CNIH1: variants seen among roughly 807,000 people sequenced by gnomAD.
CNIH1 encodes the protein cornichon family member 1.
CNIH1 carries 12 observed loss-of-function variants against 20.2 expected under a neutral mutation model. That is an observed-to-expected ratio of 0.59 (90% CI 0.38 to 0.96). The LOEUF (loss-of-function observed/expected upper bound fraction) is 0.96, where lower values mean the gene tolerates loss of function less well. Among genes scored for constraint, CNIH1 ranks in the 40% least tolerant of loss-of-function variants. CNIH1 has a pLI of 0.00. For synonymous variants in CNIH1, 69 were observed against 63.3 expected, an observed-to-expected ratio of 1.09 and a Z score of -0.43; for missense variants, 152 against 178.8, an observed-to-expected ratio of 0.85 and a Z score of 0.85.
intron 1 of CNIH1, among the ~76,000 whole-genome samples, chr14:54,441,009 G>A (rs562234255): frequency 5.3e-5 from 8 of 152,064 alleles, no homozygotes; most frequent in African/African-American, 1.7e-4. Flanking sequence ...AGTAGGGGAG[G>A]AGTAGCGGTG....
At chr14:54,438,093 C>T (rs984830446) in intron 1 of CNIH1, among the ~76,000 whole-genome samples, 1 of 152,076 alleles carries the variant, frequency 6.6e-6, no homozygotes, top group Non-Finnish European at 1.5e-5. Context: ...GATTCTCCTG[C>T]CTCAGCCTCC....
At position 54,426,545 on chromosome 14, in the gene CNIH1, T is replaced by G. The variant is rs573345749; in HGVS notation, c.*1269A>C. The G allele has an allele frequency of 6.6e-6, 1 of 152,322 alleles. No homozygotes were observed. Among genetic ancestry groups the G allele is most frequent in the South Asian group, 2.1e-4 (1 of 4,828 alleles). The allele number at this position is 152,322 out of a possible 1,614,324, so 9.4% of individuals were successfully genotyped here. ...CCAAATAAAGCACAAGATTTATTTA[T>G]GCTTATGAAAACATGCAAGCCATAA... is the stretch of plus-strand genomic sequence containing the variant. On this transcript the variant is annotated 3_prime_UTR_variant, in exon 5 of 5. Transcript: ENST00000216416.
intron 4 of CNIH1, among the ~76,000 whole-genome samples, chr14:54,428,448 G>A (rs1487696829): frequency 6.6e-6 from 1 of 152,190 alleles, no homozygotes; most frequent in African/African-American, 2.4e-5. Flanking sequence ...GAGTGCTATG[G>A]GAACGGCATA....
At position 54,427,575 on chromosome 14, in the gene CNIH1, T is replaced by A; in HGVS notation, c.*239A>T. On this transcript the variant is annotated 3_prime_UTR_variant, in exon 5 of 5. Transcript: ENST00000216416. ...AGTTCAAACCTGTCAACACCAGAGGTAATCATTTTATATTAATTTATACGT... is the reference window on the plus strand; with the variant it reads ...AGTTCAAACCTGTCAACACCAGAGGAAATCATTTTATATTAATTTATACGT... The A allele has an allele frequency of 2.0e-6, 1 of 510,176 alleles. No homozygotes were observed. The highest frequency in any genetic ancestry group is 3.5e-6 in the Non-Finnish European group (1 of 289,284). 31.6% of individuals were successfully genotyped at this position (510,176 alleles called of 1,614,324 possible). A position where few individuals can be genotyped will look rare whatever the true frequency, so the allele number is the denominator to read the frequency against.
At chr14:54,429,308 A>C (rs2030885989) in intron 4 of CNIH1, among the ~76,000 whole-genome samples, 1 of 152,216 alleles carries the variant, frequency 6.6e-6, no homozygotes, top group Non-Finnish European at 1.5e-5. Flanking sequence ...GAGGGTGCTC[A>C]TGGCAACTAG....
At chr14:54,439,007 CTT>C (rs2031112368) in intron 1 of CNIH1, among the ~76,000 whole-genome samples, 1 of 152,188 alleles carries the variant, frequency 6.6e-6, no homozygotes, top group African/African-American at 2.4e-5. Flanking sequence ...CAGGCTGAGA[CTT>C]TCACCAGATG....
At position 54,426,832 on chromosome 14, in the gene CNIH1, G is replaced by C. The variant is rs1216337593; in HGVS notation, c.*982C>G. The C allele has an allele frequency of 6.6e-6, 1 of 152,102 alleles. No homozygotes were observed. Among genetic ancestry groups the C allele is most frequent in the Non-Finnish European group, 1.5e-5 (1 of 68,006 alleles). 9.4% of individuals were successfully genotyped at this position (152,102 alleles called of 1,614,324 possible). A position where few individuals can be genotyped will look rare whatever the true frequency, so the allele number is the denominator to read the frequency against. On this transcript the variant is annotated 3_prime_UTR_variant, in exon 5 of 5. Coordinates refer to ENST00000216416, the MANE Select transcript of CNIH1 (RefSeq NM_005776.3). ...TATTTTTCAGAAAACCCATAATGTA[G>C]TACGTCACTTTTTAAAAATGACAGC... is the stretch of plus-strand genomic sequence containing the variant.
intron 1 of CNIH1, among the ~76,000 whole-genome samples, chr14:54,437,756 T>C (rs61985908): frequency 1.3e-5 from 2 of 152,070 alleles, no homozygotes; most frequent in East Asian, 1.9e-4. Context: ...AAAACATACA[T>C]GTGTAATTAG....
Position 54,441,320 on chromosome 14 carries a change from A to G in CNIH1, c.8T>C (p.Phe3Ser). The change falls in exon 1 of 5, where the codon TTC becomes TCC. Residue 3 changes from phenylalanine (F) to serine (S), a missense_variant. By Grantham distance (155) the Phe-to-Ser change is radical (BLOSUM62 -2). Transcript: ENST00000216416. The stretch of plus-strand genomic sequence containing the variant: ...CATGTAGCAGAAGGCCGCGAACGTG[A>G]ACGCCATGGCTGGGGAGGAGGAGCG... Reference protein sequence around the residue: MAFTFAAFCYMLA... With the variant: MASTFAAFCYMLA... The G allele has an allele frequency of 2.0e-6, 3 of 1,512,536 alleles. No homozygotes were observed. The highest frequency in any genetic ancestry group is 2.7e-6 in the Non-Finnish European group (3 of 1,125,836). 93.7% of individuals were successfully genotyped at this position (1,512,536 alleles called of 1,614,324 possible).
intron 4 of CNIH1, among the ~76,000 whole-genome samples, chr14:54,428,949 T>A (rs11848049): frequency 6.6e-6 from 1 of 152,182 alleles, no homozygotes; most frequent in African/African-American, 2.4e-5. Context: ...TAAGCCTATC[T>A]TAGCAAGTTT....
intron 1 of CNIH1, among the ~76,000 whole-genome samples, chr14:54,439,167 T>C (rs1303814798): frequency 6.6e-6 from 1 of 152,206 alleles, no homozygotes. Flanking sequence ...AACATAAGGT[T>C]ATATGGGTAA....
intron 1 of CNIH1, chr14:54,436,746 GA>G: frequency 4.2e-6 from 2 of 474,472 alleles, no homozygotes; most frequent in South Asian, 1.7e-5. Flanking sequence ...CTTCTGAGTA[GA>G]AAAATAATTT....
At chr14:54,440,996 T>C (rs893429079) in intron 1 of CNIH1, among the ~76,000 whole-genome samples, 97 of 151,616 alleles carry the variant, frequency 6.4e-4, no homozygotes, top group African/African-American at 2.1e-3. Flanking sequence ...GGCCGCCCCA[T>C]CCAGTAGGGG....
At chr14:54,440,089 A>C (rs936894287) in intron 1 of CNIH1, among the ~76,000 whole-genome samples, 1 of 152,222 alleles carries the variant, frequency 6.6e-6, no homozygotes, top group Non-Finnish European at 1.5e-5. Flanking sequence ...CACACTGCTT[A>C]GCAAAAAGGA....
chr14:54,434,175 T>C (rs1054939560), intron 2 of CNIH1, among the ~76,000 whole-genome samples: 1 of 152,228 alleles, frequency 6.6e-6, no homozygotes, highest in Admixed American at 6.5e-5. Context: ...TTGGCAGAAC[T>C]GTCAAAACAA....
At chr14:54,436,301 C>G (rs1237302670) in intron 2 of CNIH1, 68 bp downstream of exon 2, 1 of 940,642 alleles carries the variant, frequency 1.1e-6, no homozygotes, top group African/African-American at 1.7e-5. Context: ...TGGCCATTTT[C>G]AAATTACTTC....
intron 1 of CNIH1, among the ~76,000 whole-genome samples, chr14:54,438,781 A>G (rs976892199): frequency 1.6e-4 from 25 of 152,170 alleles, no homozygotes; most frequent in African/African-American, 4.1e-4. Context: ...CTGATCCCCA[A>G]TGTTGGAGGC....
At chr14:54,437,400 CTGTT>C (rs892090842) in intron 1 of CNIH1, among the ~76,000 whole-genome samples, 9 of 152,076 alleles carry the variant, frequency 5.9e-5, no homozygotes, top group South Asian at 2.1e-4. Context: ...TTTAACATGA[CTGTT>C]TATTTCCCTG....
At chr14:54,437,101 C>T (rs1227270406) in intron 1 of CNIH1, among the ~76,000 whole-genome samples, 2 of 152,216 alleles carry the variant, frequency 1.3e-5, no homozygotes, top group East Asian at 3.8e-4. Flanking sequence ...TGTAAGGATG[C>T]TTTTGTCCAC....
Sources: gnomAD v4.1 joint callset for allele counts (sites outside exome capture counted in the v4.1 genomes callset) on GRCh38, gnomAD v4.1.1 for gene constraint, MANE v1.5 for transcripts, NCBI Gene and HGNC (gene_info 2026-07-23, HGNC 2026-07-21) for gene names.